Variants in TMEM80 observed in about 807,000 individuals in gnomAD.
TMEM80 encodes transmembrane protein 80.
In TMEM80, 16 loss-of-function variants were observed where a neutral mutation model predicts 13.6. That is an observed-to-expected ratio of 1.17 (90% CI 0.79 to 1.78). The LOEUF (loss-of-function observed/expected upper bound fraction) is 1.78, where lower values mean the gene tolerates loss of function less well. Ranked by LOEUF, TMEM80 falls within the 40% of genes most tolerant of loss-of-function variation. The pLI is 0.00. For missense variants in TMEM80, 167 were observed against 184.6 expected (o/e 0.90, Z 0.55); for synonymous variants, 92 against 89.5 (o/e 1.03, Z -0.16).
At chr11:696,345 C>A (rs1006199387) in intron 1 of TMEM80, among the ~76,000 whole-genome samples, 1 of 152,148 alleles carries the variant, frequency 6.6e-6, no homozygotes, top group Non-Finnish European at 1.5e-5. Context: ...AACTCCCATA[C>A]GCGGGCGCTG....
chr11:701,872 AAAAC>A (rs1861513285), intron 4 of TMEM80, among the ~76,000 whole-genome samples: 1 of 152,318 alleles, frequency 6.6e-6, no homozygotes, highest in African/African-American at 2.4e-5. Context: ...GTGCAGAAGT[AAAAC>A]ATGGAAATTC....
chr11:698,560 G>A (rs996946174), intron 1 of TMEM80, among the ~76,000 whole-genome samples: 33 of 152,168 alleles, frequency 2.2e-4, no homozygotes, highest in African/African-American at 8.0e-4. Flanking sequence ...GTTGGGGTGG[G>A]CTCCAGGGTG....
chr11:704,622 G>C (rs1388499199), downstream of TMEM80: 2 of 1,289,278 alleles, frequency 1.6e-6, no homozygotes. Flanking sequence ...CCCTGAAGCT[G>C]GAGACCTGTT....
Position 703,040 on chromosome 11 carries a change from T to C in TMEM80, c.322T>C (p.Trp108Arg), listed in dbSNP as rs1241727205. The C allele has an allele frequency of 4.3e-6, 7 of 1,612,684 alleles. No individual in the cohort carries two copies. The highest frequency in any genetic ancestry group is 5.9e-6 in the Non-Finnish European group (7 of 1,179,862). The change falls in exon 5 of 5, where the codon TGG (tryptophan) becomes CGG (arginine). Residue 108 changes from tryptophan to arginine, a missense_variant. Transcript: ENST00000397510. ...TALLSAHFLL[W>R]QALVLWADWA... Reference sequence around the variant, plus strand: ...CCTCCTCTCTGCCCACTTCCTGCTTTGGCAGGCCCTAGTGTTGTGGGCGGA... The same window carrying C: ...CCTCCTCTCTGCCCACTTCCTGCTTCGGCAGGCCCTAGTGTTGTGGGCGGA...
Position 704,088 on chromosome 11 carries a change from C to G in TMEM80, c.*938C>G. The G allele has an allele frequency of 9.0e-7, 1 of 1,112,104 alleles. No individual in the cohort carries two copies. Among genetic ancestry groups the G allele is most frequent in the Non-Finnish European group, 1.1e-6 (1 of 907,816 alleles). The allele number at this position is 1,112,104 out of a possible 1,614,324, so 68.9% of individuals were successfully genotyped here. A position where few individuals can be genotyped will look rare whatever the true frequency, so the allele number is the denominator to read the frequency against. On this transcript the variant is annotated 3_prime_UTR_variant, in exon 5 of 5. Coordinates refer to ENST00000397510, the MANE Select transcript of TMEM80 (RefSeq NM_001042463.3). ...CCCAAATATCTAGATATTTTCTCTT[C>G]ACCGCATTTTGTAAATAAAGAGATG... is the stretch of plus-strand genomic sequence containing the variant.
In TMEM80 at chr11:703,661, C is replaced by G. The variant is rs1029322048; in HGVS notation, c.*511C>G. 9.7e-6 allele frequency: 12 copies of G among 1,232,520 alleles called. No homozygotes were observed. The Middle Eastern group carries it at 9.4e-4, about 96-fold the overall frequency. 76.3% of individuals were successfully genotyped at this position (1,232,520 alleles called of 1,614,324 possible). A position where few individuals can be genotyped will look rare whatever the true frequency, so the allele number is the denominator to read the frequency against. On this transcript the variant is annotated 3_prime_UTR_variant, in exon 5 of 5. Coordinates refer to ENST00000397510, the MANE Select transcript of TMEM80 (RefSeq NM_001042463.3). ...CGCAGGATGGGGTAGGCCTTGTGCT[C>G]TGAGCAACCCCAGCTCTGCCTCACA...
intron 4 of TMEM80, chr11:701,055 T>G: frequency 2.9e-6 from 1 of 348,210 alleles, no homozygotes. Context: ...CCCTTGCCCT[T>G]AGCTGTCTGA....
chr11:699,760 A>G (rs371196646), intron 2 of TMEM80: 3 of 185,230 alleles, frequency 1.6e-5, no homozygotes, highest in East Asian at 2.9e-4. Flanking sequence ...TCAAAAAAAA[A>G]AAGAAAATGA....
downstream of TMEM80, chr11:704,453 A>G (rs1274479580): frequency 7.8e-7 from 1 of 1,289,166 alleles, no homozygotes; most frequent in African/African-American, 1.5e-5. Flanking sequence ...GGCCACGGTG[A>G]GCTGCAGGAC....
chr11:702,917 C>T (rs780059195), intron 4 of TMEM80, 28 bp from the exon 5 acceptor site: 2 of 1,552,756 alleles, frequency 1.3e-6, no homozygotes, highest in Non-Finnish European at 8.8e-7. Context: ...CTCGCACCAC[C>T]TTCCCTCCCC....
chr11:701,406 C>CTTTTTTTT (rs71022955), intron 4 of TMEM80, among the ~76,000 whole-genome samples: 8 of 64,900 alleles, frequency 1.2e-4, no homozygotes, highest in Non-Finnish European at 1.9e-4. Context: ...GACAAGGTTT[C>CTTTTTTTT]TTTTTTTTTT....
rs967987362 is a variant in TMEM80, at chr11:703,637, G to C, written c.*487G>C. 8.1e-7 allele frequency: 1 copy of C among 1,232,718 alleles called. No homozygotes were observed. The highest frequency in any genetic ancestry group is 4.1e-5 in the South Asian group (1 of 24,504). The allele number at this position is 1,232,718 out of a possible 1,614,324, so 76.4% of individuals were successfully genotyped here. A position where few individuals can be genotyped will look rare whatever the true frequency, so the allele number is the denominator to read the frequency against. ...TGTGTTTCCAAGTCGGGCTGGAGACGCAGGATGGGGTAGGCCTTGTGCTCT... is the reference window on the plus strand; with the variant it reads ...TGTGTTTCCAAGTCGGGCTGGAGACCCAGGATGGGGTAGGCCTTGTGCTCT... On this transcript the variant is annotated 3_prime_UTR_variant, in exon 5 of 5. Coordinates refer to ENST00000397510, the MANE Select transcript of TMEM80 (RefSeq NM_001042463.3).
Position 703,018 on chromosome 11 carries a change from CCT to C in TMEM80, c.305_306del (p.Ser102CysfsTer77), listed in dbSNP as rs1206009683. 1.9e-6 allele frequency: 3 copies of C among 1,612,608 alleles called. No individual in the cohort carries two copies. Among genetic ancestry groups the C allele is most frequent in the African/African-American group, 1.3e-5 (1 of 75,070 alleles). On this transcript the variant is annotated frameshift_variant, in exon 5 of 5. Transcript: ENST00000397510. LOFTEE classifies it low-confidence loss of function (END_TRUNC). ...SLALTAGTAL[L>X]SAHFLLWQAL... Reference sequence around the variant, plus strand: ...TGGCCCTCACGGCTGGCACCGCCCTCCTCTCTGCCCACTTCCTGCTTTGGCAG... The same window carrying C: ...TGGCCCTCACGGCTGGCACCGCCCTCCTCTGCCCACTTCCTGCTTTGGCAG...
chr11:700,956 A>G (rs911136013), intron 4 of TMEM80: 25 of 548,018 alleles, frequency 4.6e-5, no homozygotes, highest in Middle Eastern at 9.7e-4. Flanking sequence ...GTCTTGTAGA[A>G]GCCACTGGGT....
At position 700,599 on chromosome 11, in the gene TMEM80, C is replaced by T. The variant is rs115004412; in HGVS notation, c.134-16C>T. 7.2e-4 allele frequency: 1,152 copies of T among 1,609,102 alleles called. 7 individuals carry two copies. In the African/African-American group the frequency reaches 0.013, roughly 18 times the overall value. ...TGCCAGGTTACTTATGTTCCGTCCG[C>T]GCCTCTGCTCTTCAGGTCAGGTGTT... On this transcript the variant is annotated splice_polypyrimidine_tract_variant and intron_variant, in intron 3 of 4. Coordinates refer to ENST00000397510, the MANE Select transcript of TMEM80 (RefSeq NM_001042463.3).
chr11:700,292 T>G, intron 3 of TMEM80, 57 bp downstream of exon 3: 1 of 1,484,010 alleles, frequency 6.7e-7, no homozygotes. Flanking sequence ...TTTGGGAGGC[T>G]GAGGTGGGCG....
chr11:704,612 C>T (rs1386788284), downstream of TMEM80: 2 of 1,289,264 alleles, frequency 1.6e-6, no homozygotes, highest in African/African-American at 3.0e-5. Context: ...AGGACCCCCT[C>T]CCTGAAGCTG....
At chr11:696,599 T>TA (rs879499347) in intron 1 of TMEM80, among the ~76,000 whole-genome samples, 90 of 145,764 alleles carry the variant, frequency 6.2e-4, no homozygotes, top group Middle Eastern at 3.6e-3. Flanking sequence ...ACCCCCTCTA[T>TA]AAAAAAAAAA....
rs368431618 is a variant in TMEM80, at chr11:703,043, C to A, written c.325C>A (p.Gln109Lys). ...ALLSAHFLLWQALVLWADWAL... is the reference protein window; with the variant it reads ...ALLSAHFLLWKALVLWADWAL... Reference sequence around the variant, plus strand: ...CCTCTCTGCCCACTTCCTGCTTTGGCAGGCCCTAGTGTTGTGGGCGGACTG... The same window carrying A: ...CCTCTCTGCCCACTTCCTGCTTTGGAAGGCCCTAGTGTTGTGGGCGGACTG... Residue 109 changes from glutamine to lysine, a missense_variant, in exon 5 of 5, where the codon CAG becomes AAG. By Grantham distance (53) the Gln-to-Lys change is moderately conservative (BLOSUM62 1). Coordinates refer to ENST00000397510, the MANE Select transcript of TMEM80 (RefSeq NM_001042463.3). The A allele has an allele frequency of 1.7e-5, 27 of 1,612,770 alleles. No individual in the cohort carries two copies. The highest frequency in any genetic ancestry group is 1.9e-5 in the Non-Finnish European group (23 of 1,179,828).
Sources: allele counts gnomAD v4.1 joint callset (sites outside exome capture counted in the v4.1 genomes callset), GRCh38; gene constraint gnomAD v4.1.1; transcripts MANE v1.5; gene names NCBI Gene and HGNC (gene_info 2026-07-23, HGNC 2026-07-21).